NSD3: variants seen among roughly 807,000 people sequenced by gnomAD.
NSD3 encodes nuclear receptor binding SET domain protein 3.
NSD3 carries 24 observed loss-of-function variants against 160.8 expected under a neutral mutation model. That is an observed-to-expected ratio of 0.15 (90% CI 0.11 to 0.21). The LOEUF is 0.21. NSD3 is among the 10% of genes least tolerant of loss of function. The probability of loss-of-function intolerance (pLI) is 1.00; values close to 1 mark genes in which losing one functional copy is unlikely to be tolerated. For synonymous variants in NSD3, 520 were observed against 600.0 expected, an observed-to-expected ratio of 0.87 and a Z score of 1.95; for missense variants, 1,157 against 1,735.9, an observed-to-expected ratio of 0.67 and a Z score of 5.93.
At chr8:38,336,584 T>C (rs1015814377) in intron 4 of NSD3, among the ~76,000 whole-genome samples, 1 of 152,186 alleles carries the variant, frequency 6.6e-6, no homozygotes, top group Non-Finnish European at 1.5e-5. Flanking sequence ...TTACTATCCA[T>C]AGCAGTCAAC....
chr8:38,338,746 G>C (rs943921533), intron 2 of NSD3, 139 bp from the exon 3 acceptor site: 2 of 679,264 alleles, frequency 2.9e-6, no homozygotes, highest in African/African-American at 3.6e-5. Flanking sequence ...ACAATGTAAG[G>C]AGTAAGAATA....
intron 7 of NSD3, among the ~76,000 whole-genome samples, 199 bp downstream of exon 7, chr8:38,326,531 A>C (rs994179430): frequency 3.9e-5 from 6 of 152,248 alleles, no homozygotes; most frequent in African/African-American, 1.4e-4. Flanking sequence ...TTCTTGTACA[A>C]AAAATAACTT....
At chr8:38,381,075 C>T (rs575706260) in intron 1 of NSD3, among the ~76,000 whole-genome samples, 1 of 152,228 alleles carries the variant, frequency 6.6e-6, no homozygotes, top group East Asian at 1.9e-4. Flanking sequence ...AGAATACACA[C>T]AAATACAGGA....
In NSD3 at chr8:38,281,584, C is replaced by A; in HGVS notation, c.3502-1G>T. 6.3e-7 allele frequency: 1 copy of A among 1,591,488 alleles called. No individual in the cohort carries two copies. The highest frequency in any genetic ancestry group is 1.1e-5 in the South Asian group (1 of 87,624). On this transcript the variant is annotated splice_acceptor_variant, in intron 19 of 23. Transcript: ENST00000317025. LOFTEE classifies it high-confidence loss of function. ...CGACGTATTCATTTACAAATTCACC[C>A]TGGAGATAAATGTGCAATATGTAAC...
In NSD3 at chr8:38,321,437, T is replaced by C. The variant is rs938499123; in HGVS notation, c.1709-265A>G. On this transcript the variant is annotated intron_variant, in intron 7 of 23. Coordinates refer to ENST00000317025, the MANE Select transcript of NSD3 (RefSeq NM_023034.2). This position sits in a 1 kb window ranked among gnomAD's most constrained non-coding sequence, Gnocchi z 4.7. Reference sequence around the variant, plus strand: ...GATTGGTTTTTTAAAAATTGAAAAGTCAAACTAAAACAGCAGACACATTAG... The same window carrying C: ...GATTGGTTTTTTAAAAATTGAAAAGCCAAACTAAAACAGCAGACACATTAG... Among the ~76,000 whole-genome samples the C allele has an allele frequency of 2.6e-5, 4 of 152,120 alleles. No individual in the cohort carries two copies. Among genetic ancestry groups the C allele is most frequent in the Non-Finnish European group, 5.9e-5 (4 of 68,000 alleles).
In NSD3 at chr8:38,310,523, T is replaced by G. The variant is rs1809507786; in HGVS notation, c.2242+4124A>C. Among the ~76,000 whole-genome samples, 3 of 152,274 alleles carry G rather than the reference T, an allele frequency of 2.0e-5. No homozygotes were observed. The South Asian group carries it at 6.2e-4, about 32-fold the overall frequency. On this transcript the variant is annotated intron_variant, in intron 12 of 23. Transcript: ENST00000317025. ...AATATCTGTTGGAGTCCTTTTTTTT[T>G]TGAGAGAGAGTCTCACTCTGGTTGC...
intron 23 of NSD3, 146 bp from the exon 24 acceptor site, chr8:38,276,028 C>G: frequency 1.2e-6 from 1 of 839,138 alleles, no homozygotes; most frequent in South Asian, 1.8e-5. Context: ...AAACATAGAT[C>G]TGGGTGTACA....
In NSD3 at chr8:38,356,764, T is replaced by C. The variant is rs574166566; in HGVS notation, c.-44-8549A>G. ...CATGTTGTGCTGTATATATTCTTTT[T>C]TTCTATGTTTAAAATGCCAGTCTCT... On this transcript the variant is annotated intron_variant, in intron 1 of 23. Coordinates refer to ENST00000317025, the MANE Select transcript of NSD3 (RefSeq NM_023034.2). Among the ~76,000 whole-genome samples the C allele has an allele frequency of 3.3e-5, 5 of 152,306 alleles. No individual in the cohort carries two copies. In the South Asian group the frequency reaches 6.2e-4, roughly 19 times the overall value.
rs1810578165 is a variant in NSD3 at position 38,347,995 on chromosome 8, G to A, written c.177C>T (p.Tyr59=). ...YEATLQQGFQ[Y]PATTEDLPPL... ...GAGGAAGATCTTCTGTTGTAGCTGGGTACTGAAAGCCTTGCTGCAAAGTAG... is the reference window on the plus strand; with the variant it reads ...GAGGAAGATCTTCTGTTGTAGCTGGATACTGAAAGCCTTGCTGCAAAGTAG... Residue 59 remains tyrosine, a synonymous_variant, in exon 2 of 24, where the codon TAC becomes TAT. Transcript: ENST00000317025. The A allele has an allele frequency of 1.2e-6, 2 of 1,614,178 alleles. No individual in the cohort carries two copies. The highest frequency in any genetic ancestry group is 2.7e-5 in the African/African-American group (2 of 75,054).
Position 38,272,299 on chromosome 8 carries a change from G to A in NSD3, c.*3342C>T, listed in dbSNP as rs1436168107. The A allele has an allele frequency of 2.0e-5, 3 of 152,136 alleles. No homozygotes were observed. Among genetic ancestry groups the A allele is most frequent in the Non-Finnish European group, 4.4e-5 (3 of 68,026 alleles). The allele number at this position is 152,136 out of a possible 1,614,324, so 9.4% of individuals were successfully genotyped here. On this transcript the variant is annotated 3_prime_UTR_variant, in exon 24 of 24. Transcript: ENST00000317025. ...CCAACTCAGCCAGTTCTATAGATGA[G>A]GCCAGATCATTTTTGAGAATTAAGA... is the stretch of plus-strand genomic sequence containing the variant.
intron 19 of NSD3, among the ~76,000 whole-genome samples, chr8:38,284,841 TA>T (rs1203482947): frequency 2.0e-5 from 3 of 152,266 alleles, no homozygotes; most frequent in Non-Finnish European, 4.4e-5. Context: ...TATTATGGTT[TA>T]TACTTGTTAG....
Position 38,290,590 on chromosome 8 carries a change from G to T in NSD3, c.3003C>A (p.Phe1001Leu). ...LKHDLGDFPV[F>L]FFGSHDYYWV... ...AGTAGTAGTCATGAGAACCAAAGAA[G>T]AATACAGGGAAGTCCCCCAAGTCAT... The change falls in exon 17 of 24, where the codon TTC becomes TTA. Residue 1001 changes from phenylalanine (F) to leucine (L), a missense_variant. Transcript: ENST00000317025. The T allele has an allele frequency of 6.2e-7, 1 of 1,614,110 alleles. No homozygotes were observed. The highest frequency in any genetic ancestry group is 8.5e-7 in the Non-Finnish European group (1 of 1,179,964).
At chr8:38,330,165 T>C (rs1346156028) in intron 5 of NSD3, among the ~76,000 whole-genome samples, 1 of 152,162 alleles carries the variant, frequency 6.6e-6, no homozygotes, top group African/African-American at 2.4e-5. Flanking sequence ...CTCATATACA[T>C]AAAAAGCTAG....
intron 1 of NSD3, among the ~76,000 whole-genome samples, chr8:38,367,227 T>C (rs1563370318): frequency 6.6e-6 from 1 of 152,148 alleles, no homozygotes; most frequent in Non-Finnish European, 1.5e-5. Flanking sequence ...CTTAGCTGCA[T>C]AAATTCCGAG....
rs1264855485 is a variant in NSD3 at position 38,319,216 on chromosome 8, A to G, written c.1810-276T>C. ...ATTCCCTTGGTATATGAAGAGAACA[A>G]GAATACTTTCCTCAGTGTCTGGAAG... On this transcript the variant is annotated intron_variant, in intron 8 of 23. Transcript: ENST00000317025. This position sits in a 1 kb window ranked among gnomAD's most constrained non-coding sequence, Gnocchi z 4.1. The G allele has an allele frequency of 3.1e-6, 1 of 324,490 alleles. No individual in the cohort carries two copies. The highest frequency in any genetic ancestry group is 2.2e-5 in the African/African-American group (1 of 46,358). The allele number at this position is 324,490 out of a possible 1,614,324, so 20.1% of individuals were successfully genotyped here.
intron 22 of NSD3, among the ~76,000 whole-genome samples, chr8:38,277,364 G>A (rs1052363510): frequency 6.6e-6 from 1 of 152,192 alleles, no homozygotes; most frequent in Admixed American, 6.5e-5. Flanking sequence ...TGCAACCTCT[G>A]CCTCCCAGTT....
intron 1 of NSD3, among the ~76,000 whole-genome samples, chr8:38,365,545 T>C (rs1488907921): frequency 6.6e-6 from 1 of 152,312 alleles, no homozygotes; most frequent in African/African-American, 2.4e-5. Flanking sequence ...CGATCTCAGC[T>C]CACTGCAACC....
At chr8:38,278,025 G>A (rs900543570) in intron 22 of NSD3, among the ~76,000 whole-genome samples, 2 of 150,384 alleles carry the variant, frequency 1.3e-5, no homozygotes, top group Non-Finnish European at 2.9e-5. Context: ...TGCAAGCTCC[G>A]CATCCCGGGT....
intron 2 of NSD3, 138 bp from the exon 3 acceptor site, chr8:38,338,745 G>C: frequency 1.5e-6 from 1 of 685,326 alleles, no homozygotes; most frequent in South Asian, 1.8e-5. Flanking sequence ...AACAATGTAA[G>C]GAGTAAGAAT....
Sources: gnomAD v4.1 joint callset for allele counts (sites outside exome capture counted in the v4.1 genomes callset) on GRCh38, gnomAD v4.1.1 for gene constraint, Gnocchi (gnomAD v3.1) non-coding constraint, MANE v1.5 for transcripts, NCBI Gene and HGNC (gene_info 2026-07-23, HGNC 2026-07-21) for gene names.